REEP1: variants seen among roughly 807,000 people sequenced by gnomAD.
REEP1 encodes receptor expression-enhancing protein 1.
A neutral mutation model predicts 40.3 loss-of-function variants in REEP1; 22 were observed. The ratio of observed to expected loss-of-function variants is 0.55; its 90% CI spans 0.39 to 0.78. REEP1 has a LOEUF of 0.78. REEP1 is among the 30% of genes least tolerant of loss of function. The pLI, the probability that REEP1 is intolerant of heterozygous loss-of-function variation, is 0.00. For synonymous variants in REEP1, 116 were observed against 139.2 expected (o/e 0.83, Z 1.17); for missense variants, 280 against 361.1 (o/e 0.78, Z 1.82).
chr2:86,306,708 C>A (rs918580515), intron 1 of REEP1, among the ~76,000 whole-genome samples: 1 of 152,022 alleles, frequency 6.6e-6, no homozygotes. Flanking sequence ...TCTCAAAGAC[C>A]CTAATAGAAC....
intron 2 of REEP1, among the ~76,000 whole-genome samples, chr2:86,279,154 C>T (rs1381042740): frequency 6.6e-6 from 1 of 152,262 alleles, no homozygotes; most frequent in African/African-American, 2.4e-5. Flanking sequence ...CTGTGCCTTC[C>T]ACAGAAAGAC....
At position 86,232,638 on chromosome 2, in the gene REEP1, G is replaced by T. The variant is rs540194528; in HGVS notation, c.582C>A (p.Ser194Arg). The T allele has an allele frequency of 2.5e-6, 4 of 1,612,854 alleles. No homozygotes were observed. Among genetic ancestry groups the T allele is most frequent in the African/African-American group, 1.3e-5 (1 of 75,064 alleles). The change falls in exon 6 of 9, where the codon AGC becomes AGA. Residue 194 changes from serine (S) to arginine (R), a missense_variant. By Grantham distance (110) the Ser-to-Arg change is moderately radical. Coordinates refer to ENST00000538924, the MANE Select transcript of REEP1 (RefSeq NM_001371279.1). ...AGTGACACCTACCTGAGCTGCTAGCGCTCTCAGAAGCACTCCTGGACATCT... is the reference window on the plus strand; with the variant it reads ...AGTGACACCTACCTGAGCTGCTAGCTCTCTCAGAAGCACTCCTGGACATCT... ...QPKMSRSASESASSSVCTCCS... is the reference protein window; with the variant it reads ...QPKMSRSASERASSSVCTCCS...
chr2:86,253,056 C>A (rs982877049), intron 4 of REEP1, among the ~76,000 whole-genome samples: 1 of 152,108 alleles, frequency 6.6e-6, no homozygotes, highest in Non-Finnish European at 1.5e-5. Context: ...CCAAGGTGGG[C>A]GTATCACCTG....
At chr2:86,229,836 T>C (rs1674913861) in intron 6 of REEP1, among the ~76,000 whole-genome samples, 1 of 152,024 alleles carries the variant, frequency 6.6e-6, no homozygotes, top group Non-Finnish European at 1.5e-5. Flanking sequence ...GGTCTTGAAC[T>C]CCCGACCTCT....
chr2:86,321,253 T>C (rs1393243604), intron 1 of REEP1, among the ~76,000 whole-genome samples: 1 of 152,108 alleles, frequency 6.6e-6, no homozygotes, highest in African/African-American at 2.4e-5. Context: ...ATTACAGAAA[T>C]GAATTAAGTC....
intron 1 of REEP1, among the ~76,000 whole-genome samples, chr2:86,295,013 C>G (rs565561773): frequency 6.6e-6 from 1 of 151,858 alleles, no homozygotes; most frequent in East Asian, 1.9e-4. Context: ...AGCATGGCAC[C>G]CTGATTAGAA....
chr2:86,324,821 T>C (rs550359340), intron 1 of REEP1, among the ~76,000 whole-genome samples: 1 of 152,284 alleles, frequency 6.6e-6, no homozygotes, highest in South Asian at 2.1e-4. Context: ...CACACAAGAA[T>C]GCTCACTGCA....
At chr2:86,268,275 G>T (rs1017911928) in intron 2 of REEP1, among the ~76,000 whole-genome samples, 2 of 152,116 alleles carry the variant, frequency 1.3e-5, no homozygotes, top group African/African-American at 4.8e-5. Context: ...ATCCTCCTGG[G>T]ATTAATAAAT....
intron 1 of REEP1, among the ~76,000 whole-genome samples, chr2:86,326,272 AG>A (rs772606809): frequency 5.9e-5 from 9 of 152,374 alleles, no homozygotes; most frequent in Admixed American, 2.6e-4. Flanking sequence ...CAAAAAAATG[AG>A]CAGTACATCA....
At chr2:86,258,537 G>C (rs922111956) in intron 3 of REEP1, among the ~76,000 whole-genome samples, 2 of 152,098 alleles carry the variant, frequency 1.3e-5, no homozygotes, top group Non-Finnish European at 2.9e-5. Context: ...GCGTGGGATG[G>C]AGGGGAACAG....
chr2:86,272,053 T>G (rs1387090214), intron 2 of REEP1, among the ~76,000 whole-genome samples: 1 of 152,214 alleles, frequency 6.6e-6, no homozygotes, highest in East Asian at 1.9e-4. Context: ...TGAAACCCCG[T>G]CTCTGCTAAA....
At chr2:86,298,101 A>AG (rs1205986156) in intron 1 of REEP1, among the ~76,000 whole-genome samples, 2 of 152,174 alleles carry the variant, frequency 1.3e-5, no homozygotes, top group South Asian at 2.1e-4. Flanking sequence ...GTAGTTTAAC[A>AG]GCTCTGTGGC....
At chr2:86,278,033 TTG>T (rs751952744) in intron 2 of REEP1, among the ~76,000 whole-genome samples, 18 of 152,194 alleles carry the variant, frequency 1.2e-4, no homozygotes, top group Admixed American at 4.6e-4. Context: ...TGTCTGTTAT[TTG>T]GGGTCTCCTT....
At chr2:86,278,281 T>A (rs1309049981) in intron 2 of REEP1, among the ~76,000 whole-genome samples, 1 of 152,228 alleles carries the variant, frequency 6.6e-6, no homozygotes, top group African/African-American at 2.4e-5. Context: ...AATTATATTT[T>A]AATTCTTTCT....
intron 5 of REEP1, among the ~76,000 whole-genome samples, chr2:86,241,901 C>A (rs1425478983): frequency 6.6e-6 from 1 of 152,098 alleles, no homozygotes; most frequent in African/African-American, 2.4e-5. Flanking sequence ...AACCCTGAGC[C>A]CAGGGGAGCG....
intron 3 of REEP1, among the ~76,000 whole-genome samples, chr2:86,262,470 C>T (rs1676919457): frequency 6.6e-6 from 1 of 152,252 alleles, no homozygotes; most frequent in Non-Finnish European, 1.5e-5. Context: ...TCCTTCACTA[C>T]AGCTTGAGGC....
At chr2:86,243,244 A>G (rs1675764742) in intron 5 of REEP1, among the ~76,000 whole-genome samples, 1 of 152,152 alleles carries the variant, frequency 6.6e-6, no homozygotes, top group Admixed American at 6.5e-5. Flanking sequence ...GGGGAATCAG[A>G]GAGAAGAGGA....
rs201368425 is a variant in REEP1, at chr2:86,284,967, T to G, written c.33-2725A>C. ...TCTCACTGCCCTGGGGAAGGGGAAA[T>G]GGGATGAAAATGGTCAGTTCTTCTT... On this transcript the variant is annotated intron_variant, in intron 1 of 8. Transcript: ENST00000538924. Among the ~76,000 whole-genome samples, 8 of 152,214 alleles carry G rather than the reference T, an allele frequency of 5.3e-5. No homozygotes were observed. In the South Asian group the frequency reaches 8.3e-4, roughly 16 times the overall value.
At chr2:86,227,835 C>T (rs576760275) in intron 6 of REEP1, among the ~76,000 whole-genome samples, 9 of 144,080 alleles carry the variant, frequency 6.2e-5, no homozygotes, top group African/African-American at 1.0e-4. Context: ...GCCTTGTACA[C>T]GCCATTGGTC....
Sources: allele counts gnomAD v4.1 joint callset (sites outside exome capture counted in the v4.1 genomes callset), GRCh38; gene constraint gnomAD v4.1.1; transcripts MANE v1.5; gene names NCBI Gene and HGNC (gene_info 2026-07-23, HGNC 2026-07-21).